Variants in SYNPR observed in about 807,000 individuals in gnomAD.
SYNPR encodes the protein synaptoporin.
SYNPR carries 23 observed loss-of-function variants against 32.9 expected under a neutral mutation model. The ratio of observed to expected loss-of-function variants is 0.70; its 90% CI spans 0.50 to 0.99. The LOEUF is 0.99. Among genes scored for constraint, SYNPR ranks in the 50% least tolerant of loss-of-function variants. The pLI, the probability that SYNPR is intolerant of heterozygous loss-of-function variation, is 0.00. For missense variants in SYNPR, 318 were observed against 349.3 expected (o/e 0.91, Z 0.71); for synonymous variants, 146 against 135.9 (o/e 1.07, Z -0.52).
upstream of SYNPR, among the ~76,000 whole-genome samples, chr3:63,276,741 G>T (rs546400761): frequency 6.6e-6 from 1 of 151,020 alleles, no homozygotes; most frequent in East Asian, 2.0e-4. Flanking sequence ...GACTGCAGAT[G>T]GTGCAACCAG....
At chr3:63,490,755 G>GT (rs1221338981) in intron 3 of SYNPR, among the ~76,000 whole-genome samples, 3 of 152,010 alleles carry the variant, frequency 2.0e-5, no homozygotes, top group East Asian at 1.9e-4. Context: ...TAGGTTTTTT[G>GT]TTTTTTGGGT....
At chr3:63,321,554 C>T (rs2087111159) in intron 2 of SYNPR, among the ~76,000 whole-genome samples, 1 of 152,018 alleles carries the variant, frequency 6.6e-6, no homozygotes, top group African/African-American at 2.4e-5. Flanking sequence ...GTGTCAATAT[C>T]CCCTGTAAAT....
intron 2 of SYNPR, among the ~76,000 whole-genome samples, chr3:63,287,200 T>A (rs938907619): frequency 6.6e-6 from 1 of 152,210 alleles, no homozygotes; most frequent in Non-Finnish European, 1.5e-5. Flanking sequence ...TTAACTCTCA[T>A]ACCAAGAGAC....
chr3:63,564,894 T>C (rs933745170), intron 4 of SYNPR, among the ~76,000 whole-genome samples: 1 of 152,216 alleles, frequency 6.6e-6, no homozygotes, highest in Non-Finnish European at 1.5e-5. Flanking sequence ...AAAGAATTCA[T>C]GCTTCTTCCA....
At chr3:63,211,447 G>C in the SYNPR span, among the ~76,000 whole-genome samples, 1 of 152,196 alleles carries the variant, frequency 6.6e-6, no homozygotes, top group Non-Finnish European at 1.5e-5. Context: ...CAAGTTTACA[G>C]TTTTTTGCAG....
chr3:63,463,681 T>G (rs1839732), intron 2 of SYNPR, among the ~76,000 whole-genome samples: 7,880 of 152,124 alleles, frequency 0.052, 544 homozygotes, highest in African/African-American at 0.15. Context: ...CATGAAAAAT[T>G]TTCTATGGAG....
At chr3:63,313,698 T>TATATCCATATAC (rs1306891453) in intron 2 of SYNPR, among the ~76,000 whole-genome samples, 10 of 75,894 alleles carry the variant, frequency 1.3e-4, no homozygotes, top group Non-Finnish European at 2.5e-4. Context: ...TCCATATATA[T>TATATCCATATAC]ATATCCATAT....
At chr3:63,560,715 G>C (rs1018078451) in intron 4 of SYNPR, among the ~76,000 whole-genome samples, 3 of 152,190 alleles carry the variant, frequency 2.0e-5, no homozygotes, top group Non-Finnish European at 4.4e-5. Context: ...CAGACAAAGA[G>C]AGAAGAAGTG....
chr3:63,609,377 G>A, intron 5 of SYNPR, 61 bp downstream of exon 5: 1 of 1,385,032 alleles, frequency 7.2e-7, no homozygotes, highest in Non-Finnish European at 9.5e-7. Context: ...AAAATAATAA[G>A]AAAAACATCT....
chr3:63,547,788 G>A (rs1702434842), intron 3 of SYNPR, among the ~76,000 whole-genome samples: 2 of 152,110 alleles, frequency 1.3e-5, no homozygotes, highest in South Asian at 4.1e-4. Flanking sequence ...GGGTCATACG[G>A]ACTCCATTTC....
chr3:63,392,687 AT>A (rs935889013), intron 2 of SYNPR, among the ~76,000 whole-genome samples: 1 of 151,956 alleles, frequency 6.6e-6, no homozygotes, highest in Non-Finnish European at 1.5e-5. Flanking sequence ...GGAAACTGTC[AT>A]TTTTTTTCCA....
intron 2 of SYNPR, among the ~76,000 whole-genome samples, chr3:63,341,609 T>G (rs552315910): frequency 1.3e-5 from 2 of 152,350 alleles, no homozygotes; most frequent in South Asian, 4.1e-4. Flanking sequence ...TGACATTTCA[T>G]GTTGAGCATC....
chr3:63,510,934 T>C (rs73831873), intron 3 of SYNPR, among the ~76,000 whole-genome samples: 2,568 of 64,046 alleles, frequency 0.04, 77 homozygotes, highest in African/African-American at 0.11. Context: ...TGTGTGTGTG[T>C]GCGCGCACGT....
chr3:63,523,500 C>T (rs1157796439), intron 3 of SYNPR, among the ~76,000 whole-genome samples: 1 of 152,160 alleles, frequency 6.6e-6, no homozygotes, highest in Non-Finnish European at 1.5e-5. Flanking sequence ...AGGAATTATT[C>T]TCTCCCTTTG....
intron 4 of SYNPR, among the ~76,000 whole-genome samples, chr3:63,565,681 T>G (rs1702770995): frequency 6.6e-6 from 1 of 152,192 alleles, no homozygotes; most frequent in African/African-American, 2.4e-5. Flanking sequence ...TGTGTTGCCA[T>G]GTGAGGACAC....
At chr3:63,536,528 C>A (rs530020173) in intron 3 of SYNPR, among the ~76,000 whole-genome samples, 3 of 152,086 alleles carry the variant, frequency 2.0e-5, no homozygotes, top group African/African-American at 7.2e-5. Flanking sequence ...AATTGTAAAA[C>A]CACTTTGGAA....
chr3:63,407,763 A>G (rs2088381133), intron 2 of SYNPR, among the ~76,000 whole-genome samples: 3 of 152,124 alleles, frequency 2.0e-5, no homozygotes, highest in Admixed American at 6.6e-5. Context: ...TTAAGTAGAA[A>G]GAGTTCTCAG....
intron 3 of SYNPR, among the ~76,000 whole-genome samples, chr3:63,523,106 A>C (rs967081247): frequency 6.6e-6 from 1 of 152,102 alleles, no homozygotes; most frequent in African/African-American, 2.4e-5. Context: ...AGTGGGAATT[A>C]GGGGAATCAT....
the SYNPR span, among the ~76,000 whole-genome samples, chr3:63,219,468 C>T: frequency 0.068 from 10,341 of 152,106 alleles, 414 homozygotes; most frequent in South Asian, 0.089. Flanking sequence ...TAAGTACAAA[C>T]AGAAATATAC....
Sources: allele counts gnomAD v4.1 joint callset (sites outside exome capture counted in the v4.1 genomes callset), GRCh38; gene constraint gnomAD v4.1.1; transcripts MANE v1.5; gene names NCBI Gene and HGNC (gene_info 2026-07-23, HGNC 2026-07-21).